Variants in DNAH5 observed in about 807,000 individuals in gnomAD.
The protein encoded by DNAH5 is axonemal beta dynein heavy chain 5.
A neutral mutation model predicts 518.2 loss-of-function variants in DNAH5; 372 were observed. The ratio of observed to expected loss-of-function variants is 0.72; its 90% CI spans 0.66 to 0.78. The LOEUF (loss-of-function observed/expected upper bound fraction) is 0.78, where lower values mean the gene tolerates loss of function less well. Among genes scored for constraint, DNAH5 ranks in the 30% least tolerant of loss-of-function variants. The pLI, the probability that DNAH5 is intolerant of heterozygous loss-of-function variation, is 0.00. For missense variants in DNAH5, 5,523 were observed against 5,687.0 expected (o/e 0.97, Z 0.93); for synonymous variants, 2,039 against 2,025.9 (o/e 1.01, Z -0.17).
chr5:13,711,375 A>C (rs1743452807), intron 75 of DNAH5, among the ~76,000 whole-genome samples: 1 of 152,240 alleles, frequency 6.6e-6, no homozygotes, highest in Non-Finnish European at 1.5e-5. Context: ...CCTCAATGTA[A>C]TAAAAGCCAT....
intron 11 of DNAH5, among the ~76,000 whole-genome samples, chr5:13,911,697 T>C (rs1333409685): frequency 2.6e-5 from 4 of 152,140 alleles, no homozygotes; most frequent in Non-Finnish European, 5.9e-5. Flanking sequence ...AAGAAATCAC[T>C]TGGAAAGTAT....
At chr5:13,992,793 A>T (rs570907739) in intron 1 of DNAH5, among the ~76,000 whole-genome samples, 5 of 152,314 alleles carry the variant, frequency 3.3e-5, no homozygotes, top group Admixed American at 3.3e-4. Flanking sequence ...TTATAATAAG[A>T]TTTAAGTTAT....
rs373776952 is a variant in DNAH5 at position 13,812,149 on chromosome 5, G to A, written c.7231-326C>T. 2.0e-3 allele frequency among the ~76,000 whole-genome samples: 301 copies of A among 152,238 alleles called. 3 individuals carry two copies. The highest frequency in any genetic ancestry group is 6.8e-3 in the African/African-American group (284 of 41,524). Reference sequence around the variant, plus strand: ...AGACCCAGAAAGCCTGGGCCTACATGTTCAGCTACTACACTATCCATATGC... The same window carrying A: ...AGACCCAGAAAGCCTGGGCCTACATATTCAGCTACTACACTATCCATATGC... On this transcript the variant is annotated intron_variant, in intron 43 of 78. Transcript: ENST00000265104.
chr5:13,922,218 C>A lies in DNAH5; in HGVS notation c.549G>T (p.Trp183Cys), dbSNP rs1448696177. ...IPALRATSHG[W>C]GELEGLQDAA... ...CGTCCTGAAGGCCCTCGAGCTCGCC[C>A]CAGCCATGGCTCGTGGCTCTGAGAG... The change falls in exon 5 of 79, where the codon TGG becomes TGT. Residue 183 changes from tryptophan to cysteine, a missense_variant. Physicochemically the swap from Trp to Cys is radical, Grantham distance 215. This residue lies in a region of DNAH5 where 5,121 missense variants were observed against 5,223.3 expected (regional missense o/e 0.98). Transcript: ENST00000265104. 6.2e-7 allele frequency: 1 copy of A among 1,614,068 alleles called. No homozygotes were observed. The highest frequency in any genetic ancestry group is 8.5e-7 in the Non-Finnish European group (1 of 1,179,992).
At chr5:13,846,221 T>C (rs1765986762) in intron 31 of DNAH5, among the ~76,000 whole-genome samples, 1 of 152,070 alleles carries the variant, frequency 6.6e-6, no homozygotes, top group Non-Finnish European at 1.5e-5. Flanking sequence ...GGTGTACAGA[T>C]TATTCCACAC....
intron 32 of DNAH5, among the ~76,000 whole-genome samples, chr5:13,842,439 GAA>G (rs1491235555): frequency 4.8e-4 from 40 of 83,286 alleles, no homozygotes; most frequent in African/African-American, 1.9e-3. Context: ...AAGAAAGAAA[GAA>G]AGAAAGAAAG....
At chr5:13,945,946 C>A (rs555089759), upstream of DNAH5, among the ~76,000 whole-genome samples, 2 of 152,092 alleles carry the variant, frequency 1.3e-5, no homozygotes, top group Admixed American at 6.6e-5. Context: ...TGTTGGTAAG[C>A]GGCTGTTGTC....
At position 13,841,918 on chromosome 5, in the gene DNAH5, C is replaced by A. The variant is rs866255992; in HGVS notation, c.5272-14G>T. ...TCGATCATAGATCTATGTTAGAAAC[C>A]AAAAAAAAAAAAAAAAAAAGCTATA... On this transcript the variant is annotated splice_polypyrimidine_tract_variant and intron_variant, in intron 32 of 78. Transcript: ENST00000265104. The A allele has an allele frequency of 0.022, 13,069 of 591,262 alleles. No individual in the cohort carries two copies. The highest frequency in any genetic ancestry group is 0.048 in the South Asian group (2,269 of 47,582). 36.6% of individuals were successfully genotyped at this position (591,262 alleles called of 1,614,324 possible). A position where few individuals can be genotyped will look rare whatever the true frequency, so the allele number is the denominator to read the frequency against.
At chr5:13,870,719 T>A (rs775627074) in intron 24 of DNAH5, 48 bp downstream of exon 24, 37 of 1,517,200 alleles carry the variant, frequency 2.4e-5, no homozygotes, top group Non-Finnish European at 3.4e-5. Context: ...GCTAATAGCA[T>A]CCAACATGTA....
chr5:13,840,350 C>T (rs979095827), intron 34 of DNAH5, among the ~76,000 whole-genome samples: 6 of 151,824 alleles, frequency 4.0e-5, no homozygotes, highest in African/African-American at 1.5e-4. Flanking sequence ...TTTTTATTTC[C>T]CATTTTCTAT....
rs1580909350 is a variant in DNAH5, at chr5:13,923,328, G to A, written c.390C>T (p.Phe130=). 2 of 1,614,114 alleles carry A rather than the reference G, an allele frequency of 1.2e-6. No homozygotes were observed. The highest frequency in any genetic ancestry group is 8.5e-7 in the Non-Finnish European group (1 of 1,179,998). Residue 130 remains phenylalanine, a synonymous_variant, in exon 4 of 79, where the codon TTC becomes TTT. Transcript: ENST00000265104. ...DVALTGVCVF[F]IRTDPSKAIT... ...TGGCTTTGGAAGGGTCAGTCCTGAT[G>A]AAGAACACACATACCCCAGTAAGAG...
intron 47 of DNAH5, among the ~76,000 whole-genome samples, chr5:13,802,540 A>C (rs1021985924): frequency 6.6e-6 from 1 of 152,216 alleles, no homozygotes; most frequent in Admixed American, 6.5e-5. Flanking sequence ...TCCACAGTAC[A>C]GCATTGAGAT....
At position 13,817,573 on chromosome 5, in the gene DNAH5, C is replaced by T. The variant is rs1383169736; in HGVS notation, c.6963G>A (p.Trp2321Ter). The T allele has an allele frequency of 6.2e-7, 1 of 1,614,150 alleles. No homozygotes were observed. Among genetic ancestry groups the T allele is most frequent in the South Asian group, 1.1e-5 (1 of 91,084 alleles). Residue 2321 changes from tryptophan (W) to a stop codon, truncating the protein, a stop_gained, in exon 42 of 79, where the codon TGG (tryptophan) becomes TGA (stop). Transcript: ENST00000265104. LOFTEE classifies it high-confidence loss of function. ...CTTTCTTTGCTCTTAATGTTTTCCT[C>T]CAAAGCGTAGAAAATATCCCATCAG... ...DWTDGIFSTL[W>*]RKTLRAKKGE...
intron 35 of DNAH5, among the ~76,000 whole-genome samples, chr5:13,832,273 T>G (rs1282809374): frequency 6.6e-6 from 1 of 152,236 alleles, no homozygotes; most frequent in Non-Finnish European, 1.5e-5. Flanking sequence ...TGGGTTTATA[T>G]TTAAACTGAA....
In DNAH5 at chr5:13,931,230, T is replaced by C; in HGVS notation, c.72A>G (p.Gly24=). The part of the protein sequence containing the change: ...VTRVLTQRLK[G]EKEAKRALLD... ...AAAGAGCCCGCTTGGCTTCCTTCTC[T>C]CCCTTCAGTCTTTGCTAAAAGAAAA... Residue 24 remains glycine, a synonymous_variant, in exon 2 of 79, where the codon GGA becomes GGG. Coordinates refer to ENST00000265104, the MANE Select transcript of DNAH5 (RefSeq NM_001369.3). The C allele has an allele frequency of 1.2e-6, 2 of 1,614,142 alleles. No homozygotes were observed. Among genetic ancestry groups the C allele is most frequent in the Non-Finnish European group, 1.7e-6 (2 of 1,179,978 alleles).
chr5:13,761,952 G>A (rs1751842299), intron 60 of DNAH5, among the ~76,000 whole-genome samples: 1 of 152,170 alleles, frequency 6.6e-6, no homozygotes, highest in Non-Finnish European at 1.5e-5. Flanking sequence ...TGATTGTTAA[G>A]TTTCTTGGGT....
chr5:13,828,984 A>G (rs1763280804), intron 38 of DNAH5, among the ~76,000 whole-genome samples: 1 of 152,244 alleles, frequency 6.6e-6, no homozygotes, highest in Admixed American at 6.5e-5. Context: ...ACTATTATGC[A>G]GCAATAGATA....
chr5:13,700,589 G>T, intron 78 of DNAH5, 51 bp downstream of exon 78: 1 of 1,503,750 alleles, frequency 6.7e-7, no homozygotes, highest in Non-Finnish European at 9.3e-7. Context: ...TGTTGATAAT[G>T]TCATCCAAAC....
chr5:13,836,135 C>T (rs10058847), intron 35 of DNAH5, among the ~76,000 whole-genome samples: 62,791 of 151,870 alleles, frequency 0.41, 13,388 homozygotes, highest in East Asian at 0.6. Flanking sequence ...TCACACTTCC[C>T]CCCAGCATTC....
Sources: gnomAD v4.1 joint callset for allele counts (sites outside exome capture counted in the v4.1 genomes callset) on GRCh38, gnomAD v4.1.1 for gene constraint, gnomAD v4.1.1 regional missense constraint, MANE v1.5 for transcripts, NCBI Gene and HGNC (gene_info 2026-07-23, HGNC 2026-07-21) for gene names.